Variants in STK3 observed in about 807,000 individuals in gnomAD.
The protein encoded by STK3 is serine/threonine kinase 3.
STK3 carries 41 observed loss-of-function variants against 58.0 expected under a neutral mutation model. The ratio of observed to expected loss-of-function variants is 0.71; its 90% CI spans 0.55 to 0.92. STK3 has a LOEUF of 0.92. Among genes scored for constraint, STK3 ranks in the 40% least tolerant of loss-of-function variants. The pLI is 0.00. For missense variants in STK3, 479 were observed against 602.7 expected, an observed-to-expected ratio of 0.79 and a Z score of 2.15; for synonymous variants, 170 against 191.0, an observed-to-expected ratio of 0.89 and a Z score of 0.91.
chr8:98,868,283 A>G (rs1296091967), intron 3 of STK3, among the ~76,000 whole-genome samples: 1 of 152,226 alleles, frequency 6.6e-6, no homozygotes, highest in African/African-American at 2.4e-5. Context: ...TCAATTCTCA[A>G]AGAAGTCTCA....
At chr8:98,594,862 T>A (rs2046381210) in intron 7 of STK3, 1 of 152,198 alleles carries the variant, frequency 6.6e-6, no homozygotes, top group Non-Finnish European at 1.5e-5. Context: ...GTTAGTTACC[T>A]TTTCTGGAGG....
At chr8:98,569,788 G>A (rs1374917235) in intron 8 of STK3, among the ~76,000 whole-genome samples, 2 of 151,124 alleles carry the variant, frequency 1.3e-5, no homozygotes, top group East Asian at 1.9e-4. Context: ...TCTTTTACAA[G>A]TTTTCAATTT....
intron 6 of STK3, among the ~76,000 whole-genome samples, chr8:98,699,745 G>A (rs1390369448): frequency 2.0e-5 from 3 of 152,068 alleles, no homozygotes; most frequent in Admixed American, 6.5e-5. Context: ...AGGAGTACCC[G>A]GCCGTGTGAG....
intron 10 of STK3, among the ~76,000 whole-genome samples, chr8:98,514,834 C>T (rs1824805656): frequency 6.6e-6 from 1 of 152,054 alleles, no homozygotes; most frequent in Non-Finnish European, 1.5e-5. Flanking sequence ...TATATGTCCT[C>T]CAGACACTGA....
chr8:98,355,040 C>G, the STK3 span, among the ~76,000 whole-genome samples: 2 of 152,146 alleles, frequency 1.3e-5, no homozygotes, highest in Non-Finnish European at 2.9e-5. Context: ...ATCAACCTCC[C>G]AAAGTGCTGG....
At chr8:98,604,300 A>G (rs1816602169) in intron 6 of STK3, among the ~76,000 whole-genome samples, 1 of 152,240 alleles carries the variant, frequency 6.6e-6, no homozygotes, top group African/African-American at 2.4e-5. Context: ...CATGTCCCAC[A>G]TCCAGGGCAC....
At chr8:98,845,159 C>T (rs932903185) in intron 3 of STK3, among the ~76,000 whole-genome samples, 1 of 152,304 alleles carries the variant, frequency 6.6e-6, no homozygotes, top group East Asian at 1.9e-4. Context: ...ATTTCTGTTA[C>T]TTGCAAGAAC....
intron 1 of STK3, among the ~76,000 whole-genome samples, chr8:98,903,563 T>TCCTC (rs1838767015): frequency 6.9e-6 from 1 of 145,570 alleles, no homozygotes; most frequent in Admixed American, 7.1e-5. Flanking sequence ...CTTCCTTTTT[T>TCCTC]TTTTTTTAAG....
intron 6 of STK3, among the ~76,000 whole-genome samples, chr8:98,633,131 G>A (rs1819380442): frequency 6.6e-6 from 1 of 152,044 alleles, no homozygotes; most frequent in Non-Finnish European, 1.5e-5. Context: ...AAGATGCAAA[G>A]GAAGCCCAGA....
chr8:98,767,466 G>A, intron 2 of STK3, 95 bp from the exon 3 acceptor site: 2 of 1,128,016 alleles, frequency 1.8e-6, no homozygotes, highest in South Asian at 3.5e-5. Flanking sequence ...GTCTTTTCTA[G>A]TTTAAAACAC....
intron 8 of STK3, among the ~76,000 whole-genome samples, chr8:98,548,706 A>T (rs1810920745): frequency 6.6e-6 from 1 of 152,140 alleles, no homozygotes; most frequent in Non-Finnish European, 1.5e-5. Context: ...TTATATGTTT[A>T]CAGAACTCTT....
chr8:98,841,466 G>T (rs977054992), intron 3 of STK3, among the ~76,000 whole-genome samples: 1 of 151,930 alleles, frequency 6.6e-6, no homozygotes, highest in African/African-American at 2.4e-5. Flanking sequence ...CAAAACTGAG[G>T]TTCTTTAAAG....
intron 7 of STK3, chr8:98,594,979 C>T (rs1815677083): frequency 6.6e-6 from 1 of 152,066 alleles, no homozygotes; most frequent in South Asian, 2.1e-4. Context: ...TTTTCTTGTA[C>T]TTTAAATTGT....
chr8:98,855,214 A>G (rs767787378), intron 3 of STK3, among the ~76,000 whole-genome samples: 2 of 152,244 alleles, frequency 1.3e-5, no homozygotes, highest in Non-Finnish European at 2.9e-5. Flanking sequence ...AGAGTAGCCA[A>G]AACAATTTTG....
intron 6 of STK3, among the ~76,000 whole-genome samples, chr8:98,671,709 G>T (rs1822844545): frequency 6.6e-6 from 1 of 152,052 alleles, no homozygotes; most frequent in African/African-American, 2.4e-5. Flanking sequence ...AGCTTCCAGA[G>T]TAGCTGGGAC....
At chr8:98,404,612 G>A (rs963437598) in intron 3 of STK3, among the ~76,000 whole-genome samples, 6 of 148,884 alleles carry the variant, frequency 4.0e-5, no homozygotes, top group South Asian at 4.2e-4. Context: ...CCCGGGAGGC[G>A]GAGCTTGCAG....
intron 3 of STK3, among the ~76,000 whole-genome samples, chr8:98,757,023 C>T (rs72666695): frequency 0.02 from 3,036 of 152,008 alleles, 69 homozygotes; most frequent in Admixed American, 0.04. Context: ...CTTCTTCCCC[C>T]CTCTTTCTCT....
intron 6 of STK3, among the ~76,000 whole-genome samples, chr8:98,655,189 C>T (rs1422400207): frequency 1.3e-5 from 2 of 152,056 alleles, no homozygotes; most frequent in East Asian, 1.9e-4. Flanking sequence ...CGCATACCTA[C>T]AACTATCTGA....
At chr8:98,413,133 C>T in intron 3 of STK3, 1 of 266,518 alleles carries the variant, frequency 3.8e-6, no homozygotes, top group Non-Finnish European at 7.3e-6. Context: ...CCTGCCTCAG[C>T]TTCCCAAGTA....
Sources: allele counts gnomAD v4.1 joint callset (sites outside exome capture counted in the v4.1 genomes callset), GRCh38; gene constraint gnomAD v4.1.1; transcripts MANE v1.5; gene names NCBI Gene and HGNC (gene_info 2026-07-23, HGNC 2026-07-21).